ZSCAN5A: variants seen among roughly 807,000 people sequenced by gnomAD.
ZSCAN5A encodes the protein zinc finger and SCAN domain containing 5A.
ZSCAN5A carries 12 observed loss-of-function variants against 23.7 expected under a neutral mutation model. The ratio of observed to expected loss-of-function variants is 0.51; its 90% CI spans 0.32 to 0.82. ZSCAN5A has a LOEUF of 0.82. ZSCAN5A is among the 40% of genes least tolerant of loss of function. The probability of loss-of-function intolerance (pLI) is 0.03; values close to 1 mark genes in which losing one functional copy is unlikely to be tolerated. For missense variants in ZSCAN5A, 597 were observed against 617.9 expected, an observed-to-expected ratio of 0.97 and a Z score of 0.36; for synonymous variants, 257 against 239.9, an observed-to-expected ratio of 1.07 and a Z score of -0.66.
At chr19:56,281,066 T>C (rs765869248) in intron 2 of ZSCAN5A, among the ~76,000 whole-genome samples, 8 of 152,218 alleles carry the variant, frequency 5.3e-5, no homozygotes, top group Non-Finnish European at 1.0e-4. Context: ...GATTAACATA[T>C]ATTTTGTATG....
At chr19:56,282,405 T>C in intron 2 of ZSCAN5A, 1 of 827,078 alleles carries the variant, frequency 1.2e-6, no homozygotes, top group Non-Finnish European at 1.5e-6. Context: ...TTAATTCCTT[T>C]CATATTCTCT....
chr19:56,321,019 G>T, intron 2 of ZSCAN5A: 1 of 702,344 alleles, frequency 1.4e-6, no homozygotes. Context: ...TCCACCTGCT[G>T]TAGTAATAAG....
At chr19:56,322,868 A>C (rs2041391170) in intron 2 of ZSCAN5A, among the ~76,000 whole-genome samples, 1 of 151,716 alleles carries the variant, frequency 6.6e-6, no homozygotes, top group Admixed American at 6.6e-5. Context: ...TTGGTTTTTA[A>C]ATTAGTATTA....
chr19:56,342,499 GCACTC>G (rs201424962), intron 2 of ZSCAN5A: 8,251 of 398,584 alleles, frequency 0.021, 605 homozygotes, highest in African/African-American at 0.16. Context: ...GGAACAGTAA[GCACTC>G]CAATAAAATC....
At chr19:56,285,567 T>C (rs192191258) in intron 2 of ZSCAN5A, among the ~76,000 whole-genome samples, 552 of 152,322 alleles carry the variant, frequency 3.6e-3, no homozygotes, top group Non-Finnish European at 6.5e-3. Flanking sequence ...TTTTTAGTTG[T>C]TTCCTTTCAC....
At chr19:56,344,480 T>C (rs538483520) in intron 2 of ZSCAN5A, among the ~76,000 whole-genome samples, 5 of 152,268 alleles carry the variant, frequency 3.3e-5, no homozygotes, top group African/African-American at 1.2e-4. Context: ...GATCCATAAA[T>C]GCAAACAAAG....
intron 2 of ZSCAN5A, among the ~76,000 whole-genome samples, chr19:56,243,093 G>A (rs895824858): frequency 1.3e-5 from 2 of 151,868 alleles, no homozygotes; most frequent in Non-Finnish European, 2.9e-5. Flanking sequence ...AAAATCTATC[G>A]TATTATTTCA....
At chr19:56,242,576 G>A (rs114958217) in intron 2 of ZSCAN5A, among the ~76,000 whole-genome samples, 176 of 152,170 alleles carry the variant, frequency 1.2e-3, no homozygotes, top group African/African-American at 4.1e-3. Context: ...GGATTCCAGT[G>A]ACCTTTCCCG....
chr19:56,321,134 T>C (rs1397967715), intron 2 of ZSCAN5A: 2 of 665,954 alleles, frequency 3.0e-6, no homozygotes, highest in East Asian at 6.2e-5. Flanking sequence ...GCTGCTAGGA[T>C]GTCGCCCCTC....
chr19:56,230,312 CTGACCTCG>C (rs2034344846), intron 2 of ZSCAN5A, among the ~76,000 whole-genome samples: 1 of 152,200 alleles, frequency 6.6e-6, no homozygotes, highest in Admixed American at 6.5e-5. Flanking sequence ...TCTTGAACTC[CTGACCTCG>C]TGATCCACCC....
intron 2 of ZSCAN5A, among the ~76,000 whole-genome samples, chr19:56,332,852 G>T (rs2041501799): frequency 6.6e-6 from 1 of 152,184 alleles, no homozygotes; most frequent in African/African-American, 2.4e-5. Context: ...GGCTGGTCTA[G>T]TGGTAACAAA....
At chr19:56,325,570 A>G (rs183589608) in intron 2 of ZSCAN5A, among the ~76,000 whole-genome samples, 24 of 152,272 alleles carry the variant, frequency 1.6e-4, no homozygotes, top group Admixed American at 1.3e-3. Flanking sequence ...CTGTTGCCAG[A>G]TAGAATGCAT....
chr19:56,273,105 C>G (rs565915227), intron 2 of ZSCAN5A, among the ~76,000 whole-genome samples: 135 of 152,280 alleles, frequency 8.9e-4, no homozygotes, highest in African/African-American at 3.0e-3. Flanking sequence ...AGCCCCTGCC[C>G]TTGGAGATAC....
At position 56,351,217 on chromosome 19, in the gene ZSCAN5A, G is replaced by A. The variant is rs2041665619; in HGVS notation, c.-358+12018C>T. Among the ~76,000 whole-genome samples the A allele has an allele frequency of 6.6e-6, 1 of 152,000 alleles. No homozygotes were observed. Among genetic ancestry groups the A allele is most frequent in the African/African-American group, 2.4e-5 (1 of 41,386 alleles). ...AGCAATCTCTTTTCTAACCAAAAAG[G>A]CGGCTTCAAGGGCCGGGCTGACAAG... On this transcript the variant is annotated intron_variant, in intron 2 of 6. Coordinates refer to the ZSCAN5A transcript ENST00000587340. The surrounding 1 kb of genome is among the most constrained non-coding windows in gnomAD (Gnocchi z 4.8).
chr19:56,284,893 C>A, intron 2 of ZSCAN5A: 2 of 433,802 alleles, frequency 4.6e-6, no homozygotes, highest in Non-Finnish European at 6.1e-6. Flanking sequence ...AGCCACACTT[C>A]CTGAAGAAGA....
At chr19:56,268,682 T>C (rs2037637960) in intron 2 of ZSCAN5A, among the ~76,000 whole-genome samples, 1 of 152,178 alleles carries the variant, frequency 6.6e-6, no homozygotes, top group African/African-American at 2.4e-5. Flanking sequence ...TACAATTCAG[T>C]GGCCTTTAGT....
chr19:56,361,602 G>A (rs994854232), intron 2 of ZSCAN5A, among the ~76,000 whole-genome samples: 1 of 152,092 alleles, frequency 6.6e-6, no homozygotes, highest in Non-Finnish European at 1.5e-5. Flanking sequence ...AACTGACACA[G>A]GAACAGGAAA....
At chr19:56,304,755 T>C in intron 2 of ZSCAN5A, 1 of 984,606 alleles carries the variant, frequency 1.0e-6, no homozygotes, top group Non-Finnish European at 1.2e-6. Flanking sequence ...ACCCCAACTG[T>C]TTCTTTCTCT....
chr19:56,257,251 G>T (rs1236462501), intron 2 of ZSCAN5A, among the ~76,000 whole-genome samples: 2 of 152,148 alleles, frequency 1.3e-5, no homozygotes, highest in Non-Finnish European at 2.9e-5. Flanking sequence ...GGACACGAAA[G>T]GAGAGATTCG....
Sources: allele counts gnomAD v4.1 joint callset (sites outside exome capture counted in the v4.1 genomes callset), GRCh38; gene constraint gnomAD v4.1.1; non-coding constraint Gnocchi (gnomAD v3.1); transcripts MANE v1.5; gene names NCBI Gene and HGNC (gene_info 2026-07-23, HGNC 2026-07-21).